CTNNA3: variants seen among roughly 807,000 people sequenced by gnomAD.
CTNNA3 encodes the protein catenin alpha-3.
A neutral mutation model predicts 95.7 loss-of-function variants in CTNNA3; 76 were observed. The observed-to-expected ratio is 0.79, with a 90% CI of 0.66 to 0.96. CTNNA3 has a LOEUF of 0.96. Among genes scored for constraint, CTNNA3 ranks in the 40% least tolerant of loss-of-function variants. The pLI is 0.00. For missense variants in CTNNA3, 1,191 were observed against 1,089.8 expected (o/e 1.09, Z -1.31); for synonymous variants, 431 against 374.4 (o/e 1.15, Z -1.74).
chr10:66,135,751 T>C (rs1283501866), intron 13 of CTNNA3, among the ~76,000 whole-genome samples: 2 of 152,196 alleles, frequency 1.3e-5, no homozygotes, highest in Admixed American at 6.5e-5. Context: ...CTTTACTAAG[T>C]AAAACCTATC....
chr10:66,864,109 T>C (rs538060034), intron 7 of CTNNA3, among the ~76,000 whole-genome samples: 2 of 152,314 alleles, frequency 1.3e-5, no homozygotes, highest in South Asian at 4.1e-4. Flanking sequence ...TTAGATTATA[T>C]AGATCTAATA....
intron 11 of CTNNA3, among the ~76,000 whole-genome samples, chr10:66,518,983 G>A (rs1457232673): frequency 6.6e-6 from 1 of 152,028 alleles, no homozygotes; most frequent in African/African-American, 2.4e-5. Context: ...ATACATGAAA[G>A]TAATGAAGTC....
At chr10:66,026,667 T>C (rs1436953786) in intron 15 of CTNNA3, among the ~76,000 whole-genome samples, 1 of 152,184 alleles carries the variant, frequency 6.6e-6, no homozygotes, top group Admixed American at 6.5e-5. Context: ...CTAGAGTTTC[T>C]TCATTTTAAT....
intron 1 of CTNNA3, among the ~76,000 whole-genome samples, chr10:67,703,555 G>A (rs1253726477): frequency 5.9e-5 from 9 of 152,152 alleles, no homozygotes; most frequent in Middle Eastern, 3.2e-3. Context: ...TGCAGAAAAG[G>A]CTTTTGACAA....
intron 1 of CTNNA3, among the ~76,000 whole-genome samples, chr10:67,755,741 G>A: frequency 7.2e-6 from 1 of 138,518 alleles, no homozygotes; most frequent in Admixed American, 7.8e-5. Flanking sequence ...GCTGGAGGTT[G>A]AAATGAGCCG....
At chr10:67,123,384 C>T (rs1244951555) in intron 7 of CTNNA3, among the ~76,000 whole-genome samples, 2 of 152,142 alleles carry the variant, frequency 1.3e-5, no homozygotes, top group African/African-American at 2.4e-5. Flanking sequence ...AGTATCTATT[C>T]TATGTGCATA....
intron 2 of CTNNA3, among the ~76,000 whole-genome samples, chr10:67,609,344 T>A (rs1295980799): frequency 6.6e-6 from 1 of 152,180 alleles, no homozygotes; most frequent in African/African-American, 2.4e-5. Context: ...GCAAACTACA[T>A]AATGCTTCCT....
chr10:67,591,684 A>C (rs1489799570), intron 3 of CTNNA3, among the ~76,000 whole-genome samples: 1 of 152,102 alleles, frequency 6.6e-6, no homozygotes, highest in Non-Finnish European at 1.5e-5. Context: ...AGCATAAGAG[A>C]CCTATGAGAC....
chr10:65,933,886 G>A (rs143324637), intron 17 of CTNNA3, among the ~76,000 whole-genome samples: 54 of 152,210 alleles, frequency 3.5e-4, no homozygotes, highest in African/African-American at 1.2e-3. Flanking sequence ...ACCCAGTCCC[G>A]ACCAGCTGGG....
At chr10:66,002,401 G>A (rs2078788422) in intron 15 of CTNNA3, among the ~76,000 whole-genome samples, 1 of 152,118 alleles carries the variant, frequency 6.6e-6, no homozygotes, top group African/African-American at 2.4e-5. Context: ...GAACTTTTGG[G>A]ATTCAAGTCT....
chr10:67,159,851 A>C (rs563987858), intron 7 of CTNNA3, among the ~76,000 whole-genome samples: 1 of 152,306 alleles, frequency 6.6e-6, no homozygotes, highest in African/African-American at 2.4e-5. Flanking sequence ...TGAGCAACAA[A>C]AGCAAAAATA....
intron 15 of CTNNA3, among the ~76,000 whole-genome samples, chr10:66,060,964 A>G (rs2080184432): frequency 6.6e-6 from 1 of 152,096 alleles, no homozygotes. Flanking sequence ...AAAGAAAGTG[A>G]TTAGTACAAG....
intron 1 of CTNNA3, among the ~76,000 whole-genome samples, chr10:67,702,426 C>A (rs1211899609): frequency 1.3e-5 from 2 of 152,222 alleles, no homozygotes; most frequent in Non-Finnish European, 2.9e-5. Context: ...AACAAACTGT[C>A]TCTCAGACCA....
intron 5 of CTNNA3, among the ~76,000 whole-genome samples, chr10:67,263,925 C>A (rs775117522): frequency 6.6e-6 from 1 of 151,638 alleles, no homozygotes; most frequent in Admixed American, 6.6e-5. Flanking sequence ...GCTACTGGAA[C>A]TGAATTGTAA....
intron 3 of CTNNA3, among the ~76,000 whole-genome samples, chr10:67,591,385 GA>G (rs1288963717): frequency 6.6e-6 from 1 of 151,788 alleles, no homozygotes; most frequent in Non-Finnish European, 1.5e-5. Context: ...TAGACAATAG[GA>G]ACAAACCTAC....
intron 13 of CTNNA3, among the ~76,000 whole-genome samples, chr10:66,179,237 C>T (rs942270282): frequency 3.3e-5 from 5 of 151,898 alleles, no homozygotes; most frequent in Admixed American, 6.6e-5. Flanking sequence ...AAAAACGAAC[C>T]TACTAACGTA....
chr10:67,698,861 T>A (rs1211822707), upstream of CTNNA3, among the ~76,000 whole-genome samples: 2 of 148,656 alleles, frequency 1.3e-5, no homozygotes, highest in African/African-American at 5.0e-5. Flanking sequence ...AAAAAAAAAA[T>A]GTTTCTCACT....
At chr10:66,604,964 C>T (rs1365384711) in intron 10 of CTNNA3, among the ~76,000 whole-genome samples, 3 of 151,906 alleles carry the variant, frequency 2.0e-5, no homozygotes, top group East Asian at 1.9e-4. Context: ...GCTGAGATGG[C>T]GGAAATGACA....
intron 13 of CTNNA3, among the ~76,000 whole-genome samples, chr10:66,206,038 T>G (rs1446553622): frequency 1.3e-5 from 2 of 151,914 alleles, no homozygotes; most frequent in African/African-American, 4.8e-5. Context: ...ACCAAAAATT[T>G]AGTGGATATA....
Sources: gnomAD v4.1 joint callset for allele counts (sites outside exome capture counted in the v4.1 genomes callset) on GRCh38, gnomAD v4.1.1 for gene constraint, MANE v1.5 for transcripts, NCBI Gene and HGNC (gene_info 2026-07-23, HGNC 2026-07-21) for gene names.